PLCB4: variants seen among roughly 807,000 people sequenced by gnomAD.
The protein encoded by PLCB4 is 1-phosphatidylinositol 4,5-bisphosphate phosphodiesterase beta-4.
In PLCB4, 77 loss-of-function variants were observed where a neutral mutation model predicts 178.8. The ratio of observed to expected loss-of-function variants is 0.43; its 90% CI spans 0.36 to 0.52. PLCB4 has a LOEUF of 0.52. Ranked by LOEUF, PLCB4 falls within the 20% of genes least tolerant of loss-of-function variation. PLCB4 has a pLI of 0.00. For synonymous variants in PLCB4, 496 were observed against 490.8 expected, an observed-to-expected ratio of 1.01 and a Z score of -0.14; for missense variants, 1,024 against 1,453.4, an observed-to-expected ratio of 0.70 and a Z score of 4.80.
At chr20:9,184,666 A>T (rs1351818659) in intron 2 of PLCB4, among the ~76,000 whole-genome samples, 4 of 149,738 alleles carry the variant, frequency 2.7e-5, no homozygotes, top group African/African-American at 9.8e-5. Context: ...TTATTCAACT[A>T]GTTTTGACTC....
intron 7 of PLCB4, among the ~76,000 whole-genome samples, chr20:9,348,994 A>G (rs572000857): frequency 1.6e-3 from 238 of 152,104 alleles, no homozygotes; most frequent in Non-Finnish European, 2.6e-3. Flanking sequence ...TGCTAAAGGA[A>G]TGTTGCTCAT....
intron 3 of PLCB4, among the ~76,000 whole-genome samples, chr20:9,249,851 A>AT (rs986315721): frequency 6.6e-6 from 1 of 152,138 alleles, no homozygotes; most frequent in African/African-American, 2.4e-5. Context: ...GACCCTGTCT[A>AT]TATTATATTT....
At chr20:9,211,707 ATAAT>A (rs1203633058) in intron 2 of PLCB4, among the ~76,000 whole-genome samples, 1 of 152,236 alleles carries the variant, frequency 6.6e-6, no homozygotes, top group Non-Finnish European at 1.5e-5. Context: ...GTAGCTGTAA[ATAAT>A]TATAGTTATG....
At position 9,479,688 on chromosome 20, in the gene PLCB4, T is replaced by A. The variant is rs2044771602; in HGVS notation, c.*679T>A. The A allele has an allele frequency of 6.5e-6, 1 of 152,732 alleles. No individual in the cohort carries two copies. 9.5% of individuals were successfully genotyped at this position (152,732 alleles called of 1,614,324 possible). ...ACATCTGACATTGCTTTATAGGAAT[T>A]GTTTCTGCAGATTCCGGATATTATA... is the stretch of plus-strand genomic sequence containing the variant. On this transcript the variant is annotated 3_prime_UTR_variant, in exon 40 of 40. Coordinates refer to ENST00000378473, the MANE Select transcript of PLCB4 (RefSeq NM_001377142.1).
chr20:9,133,603 TTG>T (rs2146827867), intron 2 of PLCB4, among the ~76,000 whole-genome samples: 1 of 152,260 alleles, frequency 6.6e-6, no homozygotes, highest in South Asian at 2.1e-4. Flanking sequence ...CCCTACAAGC[TTG>T]TGAGTTCAGG....
chr20:9,162,808 T>C (rs941390569), intron 2 of PLCB4, among the ~76,000 whole-genome samples: 1 of 152,066 alleles, frequency 6.6e-6, no homozygotes, highest in Non-Finnish European at 1.5e-5. Flanking sequence ...AAAAAAAGCC[T>C]AAAAGCCTTA....
intron 4 of PLCB4, among the ~76,000 whole-genome samples, chr20:9,336,496 G>A (rs1313208471): frequency 1.3e-5 from 2 of 152,056 alleles, no homozygotes; most frequent in African/African-American, 4.8e-5. Context: ...CTTCTAGAGG[G>A]CTTGTTGGAA....
intron 2 of PLCB4, among the ~76,000 whole-genome samples, chr20:9,156,487 C>T (rs1056469266): frequency 6.6e-6 from 1 of 152,100 alleles, no homozygotes; most frequent in Non-Finnish European, 1.5e-5. Flanking sequence ...CACTGCAGAC[C>T]TGTTTCATAT....
intron 3 of PLCB4, among the ~76,000 whole-genome samples, chr20:9,244,633 A>G (rs1276849378): frequency 2.0e-5 from 3 of 152,206 alleles, no homozygotes; most frequent in African/African-American, 7.2e-5. Context: ...CAGTCTGTTC[A>G]GGACTTTACT....
chr20:9,397,590 C>T (rs1004122501), intron 19 of PLCB4, among the ~76,000 whole-genome samples: 1 of 152,172 alleles, frequency 6.6e-6, no homozygotes, highest in Non-Finnish European at 1.5e-5. Context: ...AATTAACTAA[C>T]CTTATTCAAG....
chr20:9,205,553 A>G (rs542752717), intron 2 of PLCB4, among the ~76,000 whole-genome samples: 1 of 152,364 alleles, frequency 6.6e-6, no homozygotes, highest in East Asian at 1.9e-4. Flanking sequence ...CCCCACTGGT[A>G]ATATTTTACA....
intron 30 of PLCB4, among the ~76,000 whole-genome samples, chr20:9,443,750 G>GA (rs1307731345): frequency 6.6e-6 from 1 of 152,004 alleles, no homozygotes; most frequent in East Asian, 1.9e-4. Flanking sequence ...ACTTGCACAT[G>GA]AATCCCCTTC....
intron 36 of PLCB4, among the ~76,000 whole-genome samples, chr20:9,469,076 G>A (rs2044001160): frequency 6.6e-6 from 1 of 151,956 alleles, no homozygotes; most frequent in Non-Finnish European, 1.5e-5. Flanking sequence ...CTCTGCCTGG[G>A]TTTGAGCGAT....
chr20:9,177,770 C>T (rs907074545), intron 2 of PLCB4, among the ~76,000 whole-genome samples: 1 of 152,190 alleles, frequency 6.6e-6, no homozygotes, highest in African/African-American at 2.4e-5. Flanking sequence ...CATGCAAGGG[C>T]TCAGCGATTC....
At chr20:9,329,659 A>G (rs2031335204) in intron 4 of PLCB4, among the ~76,000 whole-genome samples, 1 of 152,232 alleles carries the variant, frequency 6.6e-6, no homozygotes, top group South Asian at 2.1e-4. Flanking sequence ...AAAGGCCATC[A>G]AAAGGAATGC....
chr20:9,080,106 T>TCC (rs1321299885), intron 1 of PLCB4, among the ~76,000 whole-genome samples: 2 of 152,182 alleles, frequency 1.3e-5, no homozygotes, highest in African/African-American at 4.8e-5. Context: ...ACAGTAATTT[T>TCC]CCTTCAAGGA....
At chr20:9,231,056 A>G (rs1273324573) in intron 3 of PLCB4, among the ~76,000 whole-genome samples, 11 of 152,198 alleles carry the variant, frequency 7.2e-5, no homozygotes. Context: ...GTATTTATTT[A>G]TGGGTGGTAC....
chr20:9,240,001 G>C (rs1004566822), intron 3 of PLCB4, among the ~76,000 whole-genome samples: 7 of 152,200 alleles, frequency 4.6e-5, no homozygotes, highest in Admixed American at 6.5e-5. Context: ...CAGCTGATTA[G>C]ATGGTGCCTG....
At chr20:9,211,573 A>AG (rs2093673593) in intron 2 of PLCB4, among the ~76,000 whole-genome samples, 1 of 152,196 alleles carries the variant, frequency 6.6e-6, no homozygotes, top group Non-Finnish European at 1.5e-5. Flanking sequence ...AATCACTTTT[A>AG]TGGATTTGGC....
Sources: gnomAD v4.1 joint callset for allele counts (sites outside exome capture counted in the v4.1 genomes callset) on GRCh38, gnomAD v4.1.1 for gene constraint, MANE v1.5 for transcripts, NCBI Gene and HGNC (gene_info 2026-07-23, HGNC 2026-07-21) for gene names.